Variants in CCDC85A observed in about 807,000 individuals in gnomAD.
CCDC85A encodes coiled-coil domain containing 85A.
CCDC85A carries 38 observed loss-of-function variants against 50.2 expected under a neutral mutation model. The observed-to-expected ratio is 0.76, with a 90% CI of 0.58 to 0.99. The LOEUF (loss-of-function observed/expected upper bound fraction) is 0.99. Ranked by LOEUF, CCDC85A falls within the 50% of genes least tolerant of loss-of-function variation. CCDC85A has a pLI of 0.00. For missense variants in CCDC85A, 820 were observed against 742.0 expected (o/e 1.11, Z -1.22); for synonymous variants, 366 against 301.4 (o/e 1.21, Z -2.22).
chr2:56,339,162 A>T (rs955702317), intron 2 of CCDC85A, among the ~76,000 whole-genome samples: 4 of 152,232 alleles, frequency 2.6e-5, no homozygotes, highest in African/African-American at 9.6e-5. Flanking sequence ...AGTGCCTGAC[A>T]CAAATCAGTG....
chr2:56,352,020 A>G (rs1029872170), intron 3 of CCDC85A, among the ~76,000 whole-genome samples: 2 of 152,074 alleles, frequency 1.3e-5, no homozygotes, highest in Admixed American at 6.5e-5. Flanking sequence ...ATCTTGAATT[A>G]ATTTTTGTAT....
At chr2:56,297,671 T>G (rs1672017001) in intron 2 of CCDC85A, among the ~76,000 whole-genome samples, 1 of 152,138 alleles carries the variant, frequency 6.6e-6, no homozygotes, top group Admixed American at 6.6e-5. Context: ...GTAAGGTCAG[T>G]AAAGTTTAAT....
chr2:56,378,066 G>T lies in CCDC85A; in HGVS notation c.1572+2131G>T, dbSNP rs1676421629. On this transcript the variant is annotated intron_variant, in intron 5 of 5. Transcript: ENST00000407595. Reference sequence around the variant, plus strand: ...TACTTCCATGAGTTAACTGTGTTAGGACACAGAAATATGTACAAACATCAG... The same window carrying T: ...TACTTCCATGAGTTAACTGTGTTAGTACACAGAAATATGTACAAACATCAG... Among the ~76,000 whole-genome samples the T allele has an allele frequency of 2.6e-5, 4 of 152,058 alleles. No homozygotes were observed. In the South Asian group the frequency reaches 8.3e-4, roughly 31 times the overall value.
At chr2:56,207,778 C>G (rs1205599525) in intron 2 of CCDC85A, among the ~76,000 whole-genome samples, 1 of 152,050 alleles carries the variant, frequency 6.6e-6, no homozygotes, top group African/African-American at 2.4e-5. Flanking sequence ...TAAAGGAAAC[C>G]AAGCTTTTGC....
intron 5 of CCDC85A, chr2:56,379,785 G>A (rs1418122151): frequency 1.0e-6 from 1 of 984,868 alleles, no homozygotes; most frequent in East Asian, 1.1e-4. Context: ...ATCGTCAACA[G>A]GGTAAAGAGT....
chr2:56,302,000 A>C (rs1219815620), intron 2 of CCDC85A, among the ~76,000 whole-genome samples: 1 of 152,212 alleles, frequency 6.6e-6, no homozygotes, highest in African/African-American at 2.4e-5. Flanking sequence ...TCACGCCTGT[A>C]ATCCCAGCTC....
chr2:56,298,461 T>G (rs1391051987), intron 2 of CCDC85A, among the ~76,000 whole-genome samples: 4 of 152,228 alleles, frequency 2.6e-5, no homozygotes, highest in Non-Finnish European at 4.4e-5. Flanking sequence ...AGAAACATTT[T>G]AACACTTTCA....
chr2:56,275,014 A>G (rs992738227), intron 2 of CCDC85A, among the ~76,000 whole-genome samples: 1 of 152,156 alleles, frequency 6.6e-6, no homozygotes, highest in Admixed American at 6.6e-5. Flanking sequence ...TCATGAGGGC[A>G]TCATCCTCAC....
chr2:56,341,548 A>G (rs1178838019), intron 2 of CCDC85A, among the ~76,000 whole-genome samples: 1 of 152,180 alleles, frequency 6.6e-6, no homozygotes, highest in Non-Finnish European at 1.5e-5. Flanking sequence ...AATTGCTACT[A>G]TGTGATGATC....
At chr2:56,213,198 A>G (rs916698940) in intron 2 of CCDC85A, among the ~76,000 whole-genome samples, 1 of 152,110 alleles carries the variant, frequency 6.6e-6, no homozygotes, top group East Asian at 1.9e-4. Context: ...CAGCTCTGAC[A>G]GCTTTCAAAT....
At chr2:56,329,955 T>G (rs1219029411) in intron 2 of CCDC85A, among the ~76,000 whole-genome samples, 13 of 85,684 alleles carry the variant, frequency 1.5e-4, no homozygotes, top group African/African-American at 5.6e-4. Flanking sequence ...GTTTTTTTTT[T>G]TTTTTTTTTT....
intron 3 of CCDC85A, among the ~76,000 whole-genome samples, chr2:56,348,807 C>T (rs1674758125): frequency 6.6e-6 from 1 of 152,180 alleles, no homozygotes; most frequent in South Asian, 2.1e-4. Context: ...CCCTTATGTG[C>T]GTTTCCTTGT....
intron 2 of CCDC85A, among the ~76,000 whole-genome samples, chr2:56,225,250 C>T (rs1180164848): frequency 6.6e-6 from 1 of 152,030 alleles, no homozygotes; most frequent in African/African-American, 2.4e-5. Flanking sequence ...TGGTGAAACC[C>T]CATCTCTACT....
chr2:56,322,700 T>A (rs1027219032), intron 2 of CCDC85A, among the ~76,000 whole-genome samples: 1 of 152,220 alleles, frequency 6.6e-6, no homozygotes. Context: ...TTGGTGGGAC[T>A]GTAAACTAGT....
intron 2 of CCDC85A, among the ~76,000 whole-genome samples, chr2:56,330,123 C>T (rs1673710334): frequency 6.6e-6 from 1 of 151,900 alleles, no homozygotes; most frequent in African/African-American, 2.4e-5. Context: ...CAGTTATTTT[C>T]TCTGGGAAAT....
At position 56,213,107 on chromosome 2, in the gene CCDC85A, T is replaced by A. The variant is rs377614930; in HGVS notation, c.1240+19667T>A. On this transcript the variant is annotated intron_variant, in intron 2 of 5. Coordinates refer to ENST00000407595, the MANE Select transcript of CCDC85A (RefSeq NM_001080433.2). The stretch of plus-strand genomic sequence containing the variant: ...TTATTAACTATGTGTAGAGGAGATA[T>A]AATATCCCAGAATCAAAGAAACGAG... Among the ~76,000 whole-genome samples the A allele has an allele frequency of 1.8e-4, 27 of 152,094 alleles. No individual in the cohort carries two copies. In the East Asian group the frequency reaches 4.5e-3, roughly 25 times the overall value.
At chr2:56,289,131 C>T (rs114919449) in intron 2 of CCDC85A, among the ~76,000 whole-genome samples, 124 of 152,282 alleles carry the variant, frequency 8.1e-4, no homozygotes, top group African/African-American at 2.9e-3. Context: ...GTTCATAAGT[C>T]AGTAGGCAAC....
intron 2 of CCDC85A, among the ~76,000 whole-genome samples, chr2:56,202,575 A>T (rs1241230753): frequency 6.6e-6 from 1 of 152,224 alleles, no homozygotes. Context: ...GATGGGCCAG[A>T]TGGCAACACC....
chr2:56,204,532 C>A (rs573997215), intron 2 of CCDC85A, among the ~76,000 whole-genome samples: 1 of 152,286 alleles, frequency 6.6e-6, no homozygotes, highest in South Asian at 2.1e-4. Context: ...GTCCATGCTG[C>A]CTCCAGCTTC....
Sources: gnomAD v4.1 joint callset for allele counts (sites outside exome capture counted in the v4.1 genomes callset) on GRCh38, gnomAD v4.1.1 for gene constraint, MANE v1.5 for transcripts, NCBI Gene and HGNC (gene_info 2026-07-23, HGNC 2026-07-21) for gene names.